ZC3H12D: variants seen among roughly 807,000 people sequenced by gnomAD.
ZC3H12D encodes zinc finger CCCH-type containing 12D.
In ZC3H12D, 11 loss-of-function variants were observed where a neutral mutation model predicts 24.2. The ratio of observed to expected loss-of-function variants is 0.46; its 90% CI spans 0.29 to 0.75. The LOEUF (loss-of-function observed/expected upper bound fraction) is 0.75. Among genes scored for constraint, ZC3H12D ranks in the 30% least tolerant of loss-of-function variants. The pLI is 0.11. For missense variants in ZC3H12D, 740 were observed against 767.7 expected, an observed-to-expected ratio of 0.96 and a Z score of 0.43; for synonymous variants, 333 against 341.8, an observed-to-expected ratio of 0.97 and a Z score of 0.28.
chr6:149,466,164 C>T (rs1177737007), intron 2 of ZC3H12D, among the ~76,000 whole-genome samples: 2 of 152,008 alleles, frequency 1.3e-5, no homozygotes, highest in Admixed American at 6.6e-5. Context: ...AAGGCCACTT[C>T]CATGTTTCCC....
chr6:149,457,405 G>A (rs1360461963), intron 3 of ZC3H12D, among the ~76,000 whole-genome samples: 3 of 152,150 alleles, frequency 2.0e-5, no homozygotes, highest in African/African-American at 7.2e-5. Flanking sequence ...CCAGGAACCT[G>A]CCTGGGACAC....
chr6:149,455,754 G>T (rs753271118), intron 4 of ZC3H12D, among the ~76,000 whole-genome samples: 4 of 152,042 alleles, frequency 2.6e-5, no homozygotes, highest in Non-Finnish European at 5.9e-5. Flanking sequence ...AAAAGATTCT[G>T]GGCTGGGCTC....
chr6:149,456,622 C>CCCCCCCCCCCCCCCCCCGGGGAAGG lies in ZC3H12D; in HGVS notation c.680+43_680+44insCCTTCCCCGGGGGGGGGGGGGGGGG. On this transcript the variant is annotated intron_variant, in intron 4 of 5. Transcript: ENST00000409806. This position sits in a 1 kb window ranked among gnomAD's most constrained non-coding sequence, Gnocchi z 4.3. The stretch of plus-strand genomic sequence containing the variant: ...GGCCACTGCCTCGACCCCGGCCCCC[C>CCCCCCCCCCCCCCCCCCGGGGAAGG]GCCCCGCCGCCCCCCAGGGTGTCAG... 7.6e-7 allele frequency: 1 copy of CCCCCCCCCCCCCCCCCCGGGGAAGG among 1,314,360 alleles called. No homozygotes were observed. Among genetic ancestry groups the CCCCCCCCCCCCCCCCCCGGGGAAGG allele is most frequent in the Non-Finnish European group, 1.1e-6 (1 of 921,308 alleles). 81.4% of individuals were successfully genotyped at this position (1,314,360 alleles called of 1,614,324 possible).
chr6:149,456,623 G>GGGGTGGAGGCCCC lies in ZC3H12D; in HGVS notation c.680+42_680+43insGGGGCCTCCACCC. 1.3e-6 allele frequency: 1 copy of GGGGTGGAGGCCCC among 744,590 alleles called. No individual in the cohort carries two copies. The allele number at this position is 744,590 out of a possible 1,614,324, so 46.1% of individuals were successfully genotyped here. On this transcript the variant is annotated intron_variant, in intron 4 of 5. Transcript: ENST00000409806. This position sits in a 1 kb window ranked among gnomAD's most constrained non-coding sequence, Gnocchi z 4.3. The stretch of plus-strand genomic sequence containing the variant: ...GCCACTGCCTCGACCCCGGCCCCCC[G>GGGGTGGAGGCCCC]CCCCGCCGCCCCCCAGGGTGTCAGG...
intron 2 of ZC3H12D, among the ~76,000 whole-genome samples, chr6:149,470,703 G>A (rs1776230228): frequency 6.6e-6 from 1 of 152,192 alleles, no homozygotes; most frequent in African/African-American, 2.4e-5. Flanking sequence ...TCACACAGCT[G>A]GATGGCTGAA....
chr6:149,484,287 T>C (rs1039142289), intron 1 of ZC3H12D, among the ~76,000 whole-genome samples: 1 of 152,208 alleles, frequency 6.6e-6, no homozygotes, highest in Non-Finnish European at 1.5e-5. Flanking sequence ...CATTAGCCTT[T>C]GGGAAGCCCA....
intron 3 of ZC3H12D, among the ~76,000 whole-genome samples, chr6:149,458,115 T>TC (rs1562472719): frequency 0.018 from 2,342 of 133,158 alleles, 60 homozygotes; most frequent in African/African-American, 0.082. Flanking sequence ...CTTTTTCTTT[T>TC]TTTTTTTCGT....
At chr6:149,481,073 G>C (rs1028734654) in intron 1 of ZC3H12D, among the ~76,000 whole-genome samples, 3 of 120,240 alleles carry the variant, frequency 2.5e-5, no homozygotes. Context: ...CAGCCTGACA[G>C]GCCAGCCTCT....
Position 149,452,872 on chromosome 6 carries a change from A to G in ZC3H12D, c.681-150T>C. The G allele has an allele frequency of 1.5e-6, 1 of 686,160 alleles. No homozygotes were observed. The highest frequency in any genetic ancestry group is 1.8e-5 in the South Asian group (1 of 57,006). The allele number at this position is 686,160 out of a possible 1,614,324, so 42.5% of individuals were successfully genotyped here. A position where few individuals can be genotyped will look rare whatever the true frequency, so the allele number is the denominator to read the frequency against. On this transcript the variant is annotated intron_variant, in intron 4 of 5. Transcript: ENST00000409806. The surrounding 1 kb of genome is among the most constrained non-coding windows in gnomAD (Gnocchi z 4.0). ...CCCAGCAGGATGTCACAGCATCTTA[A>G]AGCAAAACCTTCCCTTCACACTGAA...
chr6:149,475,565 A>G (rs906332043), intron 1 of ZC3H12D, among the ~76,000 whole-genome samples: 1 of 151,742 alleles, frequency 6.6e-6, no homozygotes, highest in Non-Finnish European at 1.5e-5. Context: ...AAAATACAAA[A>G]ATTAGCCAGG....
chr6:149,457,818 G>T (rs1776008121), intron 3 of ZC3H12D, among the ~76,000 whole-genome samples: 1 of 152,094 alleles, frequency 6.6e-6, no homozygotes, highest in Non-Finnish European at 1.5e-5. Context: ...AATTACTCAG[G>T]TCCCTCAAGT....
At position 149,447,521 on chromosome 6, in the gene ZC3H12D, T is replaced by C. The variant is rs1005243224; in HGVS notation, c.*3162A>G. 2 of 152,190 alleles carry C rather than the reference T, an allele frequency of 1.3e-5. No homozygotes were observed. The highest frequency in any genetic ancestry group is 2.4e-5 in the African/African-American group (1 of 41,436). The allele number at this position is 152,190 out of a possible 1,614,324, so 9.4% of individuals were successfully genotyped here. On this transcript the variant is annotated 3_prime_UTR_variant, in exon 6 of 6. Coordinates refer to ENST00000409806, the MANE Select transcript of ZC3H12D (RefSeq NM_207360.3). ...CACCAAAGTGCTGGGATTACAGACA[T>C]GAGCCATCGTGCCCAGTCTAAACCC...
At chr6:149,461,023 A>AC (rs1776064266) in intron 3 of ZC3H12D, among the ~76,000 whole-genome samples, 1 of 152,178 alleles carries the variant, frequency 6.6e-6, no homozygotes, top group South Asian at 2.1e-4. Context: ...TTTGTAGGTT[A>AC]AAATATTCCT....
Position 149,450,918 on chromosome 6 carries a change from G to T in ZC3H12D, c.1349C>A (p.Ser450Tyr). 6.5e-7 allele frequency: 1 copy of T among 1,540,062 alleles called. No homozygotes were observed. Among genetic ancestry groups the T allele is most frequent in the Non-Finnish European group, 8.7e-7 (1 of 1,145,970 alleles). The stretch of plus-strand genomic sequence containing the variant: ...GCCCCAGGCCGGCTCCGCCCAGACG[G>T]AGCGCCCAGGGAAGCGGTCGGAGCG... Reference protein sequence around the residue: ...PPRSDRFPGRSVWAEPAWGDG... With the variant: ...PPRSDRFPGRYVWAEPAWGDG... Residue 450 changes from serine (S) to tyrosine (Y), a missense_variant, in exon 6 of 6, where the codon TCC becomes TAC. By Grantham distance (144) the Ser-to-Tyr change is moderately radical (BLOSUM62 -2). Coordinates refer to ENST00000409806, the MANE Select transcript of ZC3H12D (RefSeq NM_207360.3).
chr6:149,479,214 A>T (rs942592997), intron 1 of ZC3H12D, among the ~76,000 whole-genome samples: 4 of 152,158 alleles, frequency 2.6e-5, no homozygotes, highest in African/African-American at 4.8e-5. Flanking sequence ...GTTAAAAATT[A>T]TCTGGGCATG....
At chr6:149,454,335 G>A (rs541542060) in intron 4 of ZC3H12D, among the ~76,000 whole-genome samples, 1 of 152,342 alleles carries the variant, frequency 6.6e-6, no homozygotes, top group East Asian at 1.9e-4. Flanking sequence ...AGGTTCTGTA[G>A]AGAGGTTGGG....
intron 4 of ZC3H12D, among the ~76,000 whole-genome samples, chr6:149,454,911 C>T (rs991642504): frequency 1.3e-5 from 2 of 152,270 alleles, no homozygotes; most frequent in South Asian, 2.1e-4. Context: ...GGCCCTCCAC[C>T]TCCACGGCTG....
chr6:149,458,108 TTTC>T (rs749630504), intron 3 of ZC3H12D, among the ~76,000 whole-genome samples: 4 of 105,204 alleles, frequency 3.8e-5, no homozygotes, highest in African/African-American at 2.9e-4. Context: ...TTTCTTTCTT[TTTC>T]TTTTTTTTTT....
In ZC3H12D at chr6:149,450,588, A is replaced by AC; in HGVS notation, c.*94_*95insG. On this transcript the variant is annotated 3_prime_UTR_variant, in exon 6 of 6. Transcript: ENST00000409806. ...TCTTTAAAGAAAAGGGGGCACCATGATGGGCCCACTCAGGTCCAGGCTGGC... is the reference window on the plus strand; with the variant it reads ...TCTTTAAAGAAAAGGGGGCACCATGACTGGGCCCACTCAGGTCCAGGCTGGC... 1 of 1,231,848 alleles carries AC rather than the reference A, an allele frequency of 8.1e-7. No individual in the cohort carries two copies. The allele number at this position is 1,231,848 out of a possible 1,614,324, so 76.3% of individuals were successfully genotyped here. A position where few individuals can be genotyped will look rare whatever the true frequency, so the allele number is the denominator to read the frequency against.
Sources: allele counts gnomAD v4.1 joint callset (sites outside exome capture counted in the v4.1 genomes callset), GRCh38; gene constraint gnomAD v4.1.1; non-coding constraint Gnocchi (gnomAD v3.1); transcripts MANE v1.5; gene names NCBI Gene and HGNC (gene_info 2026-07-23, HGNC 2026-07-21).